Variants in NOL4 observed in about 807,000 individuals in gnomAD.
NOL4 encodes cancer/testis antigen 125.
In NOL4, 17 loss-of-function variants were observed where a neutral mutation model predicts 75.9. The observed-to-expected ratio is 0.22, with a 90% confidence interval of 0.15 to 0.34. The LOEUF is 0.34. Among genes scored for constraint, NOL4 ranks in the 10% least tolerant of loss-of-function variants. The probability of loss-of-function intolerance (pLI) is 1.00; values close to 1 mark genes in which losing one functional copy is unlikely to be tolerated. For missense variants in NOL4, 614 were observed against 793.5 expected, an observed-to-expected ratio of 0.77 and a Z score of 2.72; for synonymous variants, 292 against 289.9, an observed-to-expected ratio of 1.01 and a Z score of -0.07.
rs980358854 is a variant in NOL4, at chr18:33,942,209, C to A, written c.1542+856G>T. ...AACTTACTTTAGTCTTGACTCATCT[C>A]ATCCTCAATTAGCAATATAAAGCAT... On this transcript the variant is annotated intron_variant, in intron 9 of 10. Coordinates refer to ENST00000261592, the MANE Select transcript of NOL4 (RefSeq NM_003787.5). 2.0e-4 allele frequency among the ~76,000 whole-genome samples: 31 copies of A among 152,100 alleles called. No homozygotes were observed. The South Asian group carries it at 3.5e-3, about 17-fold the overall frequency.
At chr18:34,068,910 GATTT>G (rs1314495076) in intron 5 of NOL4, among the ~76,000 whole-genome samples, 1 of 151,884 alleles carries the variant, frequency 6.6e-6, no homozygotes, top group Admixed American at 6.6e-5. Flanking sequence ...AAAGAAAAGG[GATTT>G]ATTATCTGGG....
intron 5 of NOL4, among the ~76,000 whole-genome samples, chr18:34,084,854 A>G (rs979850420): frequency 6.6e-6 from 1 of 152,190 alleles, no homozygotes; most frequent in Non-Finnish European, 1.5e-5. Context: ...CTGGCATGCA[A>G]CACCAGCTTC....
At chr18:34,030,282 G>A (rs2075571055) in intron 5 of NOL4, among the ~76,000 whole-genome samples, 1 of 152,140 alleles carries the variant, frequency 6.6e-6, no homozygotes, top group Non-Finnish European at 1.5e-5. Flanking sequence ...AGCATAACTA[G>A]GTTAAATATT....
chr18:34,211,084 G>A (rs2036481925), intron 1 of NOL4, among the ~76,000 whole-genome samples: 1 of 146,124 alleles, frequency 6.8e-6, no homozygotes, highest in Non-Finnish European at 1.5e-5. Context: ...TCAAATAAAA[G>A]AAAGGAGGGA....
chr18:33,878,759 A>G (rs541029093), intron 10 of NOL4, among the ~76,000 whole-genome samples: 1 of 152,234 alleles, frequency 6.6e-6, no homozygotes, highest in African/African-American at 2.4e-5. Context: ...AAAAACAAAA[A>G]AATACATCGG....
At chr18:34,199,088 T>C (rs1175186921) in intron 1 of NOL4, among the ~76,000 whole-genome samples, 1 of 151,830 alleles carries the variant, frequency 6.6e-6, no homozygotes, top group Non-Finnish European at 1.5e-5. Context: ...GACTTATGGT[T>C]ATGAATTCTC....
chr18:33,908,782 C>T (rs2066218586), intron 9 of NOL4, among the ~76,000 whole-genome samples: 1 of 151,904 alleles, frequency 6.6e-6, no homozygotes, highest in African/African-American at 2.4e-5. Flanking sequence ...TATCTAAAGA[C>T]AAAAATAATC....
At chr18:34,146,199 T>G (rs1346327483) in intron 1 of NOL4, among the ~76,000 whole-genome samples, 3 of 152,028 alleles carry the variant, frequency 2.0e-5, no homozygotes, top group South Asian at 4.1e-4. Flanking sequence ...AGCCATTTAT[T>G]CAGGCTGCAT....
At position 33,905,666 on chromosome 18, in the gene NOL4, A is replaced by T. The variant is rs138346308; in HGVS notation, c.1543-22242T>A. Among the ~76,000 whole-genome samples, 409 of 152,288 alleles carry T rather than the reference A, an allele frequency of 2.7e-3. 1 individual carries two copies. Among genetic ancestry groups the T allele is most frequent in the African/African-American group, 9.4e-3 (392 of 41,558 alleles). On this transcript the variant is annotated intron_variant, in intron 9 of 10. Coordinates refer to ENST00000261592, the MANE Select transcript of NOL4 (RefSeq NM_003787.5). Reference sequence around the variant, plus strand: ...TTCAGTACATGACAACTCTGATCATATAGTTGTTGCTGTATATAGGGTATA... The same window carrying T: ...TTCAGTACATGACAACTCTGATCATTTAGTTGTTGCTGTATATAGGGTATA...
At chr18:33,891,664 A>C (rs903554022) in intron 9 of NOL4, among the ~76,000 whole-genome samples, 1 of 152,188 alleles carries the variant, frequency 6.6e-6, no homozygotes, top group Non-Finnish European at 1.5e-5. Context: ...ATGCGCTTGC[A>C]GAAGAGTTTC....
intron 6 of NOL4, among the ~76,000 whole-genome samples, chr18:33,981,097 C>A (rs1318105268): frequency 6.6e-6 from 1 of 151,884 alleles, no homozygotes; most frequent in African/African-American, 2.4e-5. Flanking sequence ...GTAGACTGGA[C>A]ATGGCTGTGG....
At chr18:34,144,765 A>T (rs938821736) in intron 1 of NOL4, among the ~76,000 whole-genome samples, 2 of 152,186 alleles carry the variant, frequency 1.3e-5, no homozygotes, top group African/African-American at 4.8e-5. Flanking sequence ...CAAATGAGAG[A>T]CACTATGCTT....
At chr18:34,178,430 G>A (rs2033746434) in intron 1 of NOL4, among the ~76,000 whole-genome samples, 1 of 151,438 alleles carries the variant, frequency 6.6e-6, no homozygotes, top group Non-Finnish European at 1.5e-5. Context: ...CTAAATTAAT[G>A]GATAAAAATT....
At chr18:33,908,234 A>G (rs2066181142) in intron 9 of NOL4, among the ~76,000 whole-genome samples, 1 of 152,234 alleles carries the variant, frequency 6.6e-6, no homozygotes, top group African/African-American at 2.4e-5. Context: ...TTTGAAAAAT[A>G]CAATTAATGT....
chr18:33,901,246 C>T (rs2065732890), intron 9 of NOL4, among the ~76,000 whole-genome samples: 2 of 151,970 alleles, frequency 1.3e-5, no homozygotes, highest in South Asian at 4.1e-4. Context: ...ATTTTTTTGA[C>T]AAATAAGACG....
At chr18:34,148,381 T>C (rs950676383) in intron 1 of NOL4, among the ~76,000 whole-genome samples, 3 of 152,104 alleles carry the variant, frequency 2.0e-5, no homozygotes, top group African/African-American at 7.2e-5. Context: ...AAACACTGCC[T>C]TAGCTGTGTC....
At chr18:34,204,925 C>A (rs932804072) in intron 1 of NOL4, among the ~76,000 whole-genome samples, 1 of 152,114 alleles carries the variant, frequency 6.6e-6, no homozygotes, top group Non-Finnish European at 1.5e-5. Flanking sequence ...AAGTAGATAT[C>A]ATTTACTGTC....
chr18:34,128,820 C>T (rs531817583), intron 2 of NOL4: 27 of 920,574 alleles, frequency 2.9e-5, no homozygotes, highest in Admixed American at 6.2e-5. Flanking sequence ...ATTTCTTATG[C>T]TCAGTAGCTA....
chr18:33,897,560 T>C (rs563667457), intron 9 of NOL4, among the ~76,000 whole-genome samples: 2 of 152,154 alleles, frequency 1.3e-5, no homozygotes, highest in East Asian at 1.9e-4. Flanking sequence ...AGGAATTAAA[T>C]GTTAAGAACT....
Sources: allele counts gnomAD v4.1 joint callset (sites outside exome capture counted in the v4.1 genomes callset), GRCh38; gene constraint gnomAD v4.1.1; transcripts MANE v1.5; gene names NCBI Gene and HGNC (gene_info 2026-07-23, HGNC 2026-07-21).